The following PRIM2 variants were observed in gnomAD, a reference collection of about 807,000 sequenced individuals.
The protein encoded by PRIM2 is DNA primase large subunit.
Under a neutral mutation model 67.3 loss-of-function variants are expected in PRIM2, and 39 were observed. The observed-to-expected ratio is 0.58, with a 90% confidence interval of 0.45 to 0.76. The LOEUF (loss-of-function observed/expected upper bound fraction) is 0.76. Among genes scored for constraint, PRIM2 ranks in the 30% least tolerant of loss-of-function variants. The pLI is 0.00. For missense variants in PRIM2, 398 were observed against 598.7 expected, an observed-to-expected ratio of 0.66 and a Z score of 3.50; for synonymous variants, 143 against 198.7, an observed-to-expected ratio of 0.72 and a Z score of 2.36.
At chr6:57,605,184 T>C (rs1373623642) in intron 11 of PRIM2, among the ~76,000 whole-genome samples, 2 of 152,210 alleles carry the variant, frequency 1.3e-5, no homozygotes, top group Admixed American at 6.5e-5. Context: ...AGTATTTTGT[T>C]GAGGATTTTT....
At chr6:57,338,302 C>T (rs1691073999) in intron 5 of PRIM2, among the ~76,000 whole-genome samples, 2 of 152,136 alleles carry the variant, frequency 1.3e-5, no homozygotes, top group Non-Finnish European at 2.9e-5. Flanking sequence ...GGTACCATTC[C>T]TTCTGAAACT....
At chr6:57,506,045 T>C (rs1305910897) in intron 7 of PRIM2, among the ~76,000 whole-genome samples, 1 of 151,714 alleles carries the variant, frequency 6.6e-6, no homozygotes, top group Non-Finnish European at 1.5e-5. Context: ...TTAAAGTGTT[T>C]TGTTTATAGA....
At chr6:57,227,569 G>A in the PRIM2 span, among the ~76,000 whole-genome samples, 13 of 150,510 alleles carry the variant, frequency 8.6e-5, no homozygotes, top group Non-Finnish European at 1.2e-4. Flanking sequence ...GCTTGAACCC[G>A]GGAGATGGAG....
At chr6:57,469,399 C>G (rs1444891182) in intron 7 of PRIM2, among the ~76,000 whole-genome samples, 18 of 152,264 alleles carry the variant, frequency 1.2e-4, no homozygotes, top group African/African-American at 4.3e-4. Context: ...GTTTTGTAAC[C>G]ATTACAATGA....
At chr6:57,578,927 C>T (rs1248987170) in intron 10 of PRIM2, among the ~76,000 whole-genome samples, 1,599 of 151,882 alleles carry the variant, frequency 0.011, 18 homozygotes, top group Middle Eastern at 0.024. Flanking sequence ...CCGCCCGCCT[C>T]GGCCTCCCAA....
chr6:57,338,098 G>T (rs1768324554), intron 5 of PRIM2, among the ~76,000 whole-genome samples: 2 of 151,550 alleles, frequency 1.3e-5, no homozygotes, highest in South Asian at 2.1e-4. Flanking sequence ...AAATAAACTA[G>T]AAAATCTAGA....
intron 10 of PRIM2, among the ~76,000 whole-genome samples, chr6:57,594,730 A>G (rs1369935633): frequency 6.6e-6 from 1 of 152,220 alleles, no homozygotes. Context: ...AAAGGACAAC[A>G]TAAAAATATC....
At chr6:57,533,612 A>C (rs1338542860) in intron 9 of PRIM2, among the ~76,000 whole-genome samples, 5 of 152,208 alleles carry the variant, frequency 3.3e-5, no homozygotes, top group Admixed American at 2.6e-4. Flanking sequence ...CTAACAGTCC[A>C]CTTTCTCACT....
At chr6:57,469,385 T>G (rs1371137385) in intron 7 of PRIM2, among the ~76,000 whole-genome samples, 1 of 152,250 alleles carries the variant, frequency 6.6e-6, no homozygotes, top group Non-Finnish European at 1.5e-5. Flanking sequence ...GAATCACGTT[T>G]ATGGTTTTGT....
chr6:57,608,259 C>T (rs1403829727), intron 12 of PRIM2, among the ~76,000 whole-genome samples: 3 of 152,188 alleles, frequency 2.0e-5, no homozygotes, highest in East Asian at 3.9e-4. Context: ...ATAAGTTCCA[C>T]AGAGTCCCTT....
At chr6:57,269,083 G>A in the PRIM2 span, among the ~76,000 whole-genome samples, 2 of 152,138 alleles carry the variant, frequency 1.3e-5, no homozygotes, top group South Asian at 2.1e-4. Context: ...GAATAGTGCT[G>A]CAATAAACAA....
At chr6:57,336,226 C>T (rs1442949371) in intron 5 of PRIM2, among the ~76,000 whole-genome samples, 1 of 152,074 alleles carries the variant, frequency 6.6e-6, no homozygotes, top group Non-Finnish European at 1.5e-5. Flanking sequence ...ACCAAATCTG[C>T]GTCTGATTGG....
intron 7 of PRIM2, among the ~76,000 whole-genome samples, chr6:57,412,124 T>C (rs1358759601): frequency 2.0e-5 from 3 of 151,406 alleles, no homozygotes; most frequent in Non-Finnish European, 4.4e-5. Flanking sequence ...GTAGAAAATT[T>C]GGAGAGTACA....
At chr6:57,299,443 C>G in the PRIM2 span, among the ~76,000 whole-genome samples, 2 of 152,184 alleles carry the variant, frequency 1.3e-5, no homozygotes, top group African/African-American at 4.8e-5. Context: ...TCCTTTTAAG[C>G]AGACTGACCC....
the PRIM2 span, among the ~76,000 whole-genome samples, chr6:57,229,640 A>G: frequency 6.6e-6 from 1 of 152,034 alleles, no homozygotes; most frequent in East Asian, 1.9e-4. Flanking sequence ...GGCACATGCC[A>G]CCACCCATGC....
chr6:57,440,547 T>C (rs1772171546), intron 7 of PRIM2, among the ~76,000 whole-genome samples: 1 of 152,246 alleles, frequency 6.6e-6, no homozygotes, highest in African/African-American at 2.4e-5. Context: ...TTGTAGTTGT[T>C]TGTAGATAGC....
chr6:57,310,393 C>T (rs910029598), upstream of PRIM2, among the ~76,000 whole-genome samples: 2 of 152,230 alleles, frequency 1.3e-5, no homozygotes, highest in African/African-American at 4.8e-5. Flanking sequence ...AACAGCATCC[C>T]AAGGCAGAAG....
intron 7 of PRIM2, among the ~76,000 whole-genome samples, chr6:57,432,111 T>C (rs1477648441): frequency 1.3e-5 from 2 of 152,236 alleles, no homozygotes; most frequent in Admixed American, 6.5e-5. Context: ...AATGAAATAC[T>C]GGCATTTGAG....
At position 57,318,538 on chromosome 6, in the gene PRIM2, G is replaced by A; in HGVS notation, c.93G>A (p.Gln31=). ...CTCATTGCCTTCAGTTTTACTTGCA[G>A]CCACCTTCTGAAAACATATCTTTAA... is the stretch of plus-strand genomic sequence containing the variant. ...SYPHCLQFYL[Q]PPSENISLIE... Residue 31 remains glutamine, a synonymous_variant, in exon 2 of 14, where the codon CAG becomes CAA. Coordinates refer to ENST00000615550, the MANE Select transcript of PRIM2 (RefSeq NM_000947.5). 1 of 1,597,510 alleles carries A rather than the reference G, an allele frequency of 6.3e-7. No homozygotes were observed. The highest frequency in any genetic ancestry group is 1.7e-5 in the Admixed American group (1 of 57,334).
Sources: allele counts gnomAD v4.1 joint callset (sites outside exome capture counted in the v4.1 genomes callset), GRCh38; gene constraint gnomAD v4.1.1; transcripts MANE v1.5; gene names NCBI Gene and HGNC (gene_info 2026-07-23, HGNC 2026-07-21).